The following PREX1 variants were observed in gnomAD, a reference collection of about 807,000 sequenced individuals.
The protein encoded by PREX1 is phosphatidylinositol-3,4,5-trisphosphate dependent Rac exchange factor 1.
Under a neutral mutation model 198.3 loss-of-function variants are expected in PREX1, and 41 were observed. That is an observed-to-expected ratio of 0.21 (90% CI 0.16 to 0.27). The LOEUF (loss-of-function observed/expected upper bound fraction) is 0.27. Ranked by LOEUF, PREX1 falls within the 10% of genes least tolerant of loss-of-function variation. The pLI is 1.00. For synonymous variants in PREX1, 843 were observed against 887.2 expected (o/e 0.95, Z 0.89); for missense variants, 1,620 against 2,200.7 (o/e 0.74, Z 5.28).
In PREX1 at chr20:48,627,551, G is replaced by A; in HGVS notation, c.4934C>T (p.Pro1645Leu). 1 of 1,613,940 alleles carries A rather than the reference G, an allele frequency of 6.2e-7. No individual in the cohort carries two copies. Among genetic ancestry groups the A allele is most frequent in the Non-Finnish European group, 8.5e-7 (1 of 1,179,964 alleles). ...RVKDQMPQGAPRLYRLCQPPV... is the reference protein window; with the variant it reads ...RVKDQMPQGALRLYRLCQPPV... ...GGCGGACGAGGCAGCCACTCACCGC[G>A]GAGCACCCTGGGGCATCTGGTCCTT... The change falls in exon 39 of 40, where the codon CCG becomes CTG. Residue 1645 changes from proline (P) to leucine (L), a missense_variant. Physicochemically the swap from Pro to Leu is moderately conservative, Grantham distance 98. Around this residue, in one of 7 missense-constraint regions of PREX1, gnomAD observed 476 missense variants for 603.4 expected, o/e 0.79. Coordinates refer to ENST00000371941, the MANE Select transcript of PREX1 (RefSeq NM_020820.4).
At chr20:48,627,655 C>G in intron 38 of PREX1, 40 bp from the exon 39 acceptor site, 1 of 1,592,610 alleles carries the variant, frequency 6.3e-7, no homozygotes, top group Non-Finnish European at 8.6e-7. Context: ...TCTGCAGGTT[C>G]AGGGCACGTG....
chr20:48,657,034 A>G lies in PREX1; in HGVS notation c.2123+6T>C, dbSNP rs780072468. On this transcript the variant is annotated splice_donor_region_variant and intron_variant, in intron 18 of 39. Coordinates refer to ENST00000371941, the MANE Select transcript of PREX1 (RefSeq NM_020820.4). Reference sequence around the variant, plus strand: ...GCTGCCGGACACCCCGCCCTGGGACACTCACTCTTTGGCCTTCGTGGCCAC... The same window carrying G: ...GCTGCCGGACACCCCGCCCTGGGACGCTCACTCTTTGGCCTTCGTGGCCAC... 5.1e-6 allele frequency: 8 copies of G among 1,582,850 alleles called. No individual in the cohort carries two copies. Among genetic ancestry groups the G allele is most frequent in the Non-Finnish European group, 6.9e-6 (8 of 1,163,506 alleles).
intron 5 of PREX1, among the ~76,000 whole-genome samples, chr20:48,723,880 T>C (rs1009402025): frequency 6.6e-6 from 1 of 152,086 alleles, no homozygotes; most frequent in African/African-American, 2.4e-5. Flanking sequence ...TGTGTTAAAA[T>C]ATGTCACGGA....
chr20:48,776,687 T>G (rs1288755192), intron 1 of PREX1, among the ~76,000 whole-genome samples: 2 of 152,102 alleles, frequency 1.3e-5, no homozygotes, highest in Non-Finnish European at 2.9e-5. Flanking sequence ...AGGTATTTGC[T>G]CCCATGGCCA....
chr20:48,652,399 C>A (rs1320194321), intron 21 of PREX1, among the ~76,000 whole-genome samples, 187 bp downstream of exon 21: 1 of 151,444 alleles, frequency 6.6e-6, no homozygotes, highest in Non-Finnish European at 1.5e-5. Context: ...GTGGTCACAA[C>A]ACTACACTCC....
In PREX1 at chr20:48,642,394, G is replaced by C; in HGVS notation, c.3684+13C>G. On this transcript the variant is annotated intron_variant, in intron 28 of 39. Coordinates refer to ENST00000371941, the MANE Select transcript of PREX1 (RefSeq NM_020820.4). ...AACCCAAAGTTGCGCCAGGAGTGGG[G>C]CAAAGGTCCTACCTGGTTAAAGAGG... 1.2e-6 allele frequency: 2 copies of C among 1,611,552 alleles called. No individual in the cohort carries two copies. The highest frequency in any genetic ancestry group is 1.7e-4 in the Middle Eastern group (1 of 6,054).
chr20:48,799,412 G>A (rs926370102), intron 1 of PREX1, among the ~76,000 whole-genome samples: 3 of 152,260 alleles, frequency 2.0e-5, no homozygotes, highest in African/African-American at 7.2e-5. Context: ...CTAAGCCTGT[G>A]TCCACCCAAG....
intron 5 of PREX1, among the ~76,000 whole-genome samples, chr20:48,708,871 G>A (rs1221136032): frequency 6.6e-6 from 1 of 152,174 alleles, no homozygotes; most frequent in Non-Finnish European, 1.5e-5. Context: ...GAGAAAAACA[G>A]AGAGATCCGC....
In PREX1 at chr20:48,710,716, C is replaced by T. The variant is rs146039064; in HGVS notation, c.622-2295G>A. On this transcript the variant is annotated intron_variant, in intron 5 of 39. Coordinates refer to ENST00000371941, the MANE Select transcript of PREX1 (RefSeq NM_020820.4). The stretch of plus-strand genomic sequence containing the variant: ...AAGGGACAATGAGTGAGGGAAGTGC[C>T]GTGGTCTGAGAAGGTCTCTCTGGAA... Among the ~76,000 whole-genome samples, 615 of 152,286 alleles carry T rather than the reference C, an allele frequency of 4.0e-3. 9 individuals carry two copies. Among genetic ancestry groups the T allele is most frequent in the African/African-American group, 0.014 (599 of 41,542 alleles).
chr20:48,690,935 G>A lies in PREX1; in HGVS notation c.1186+12C>T. The A allele has an allele frequency of 6.2e-7, 1 of 1,613,494 alleles. No homozygotes were observed. The highest frequency in any genetic ancestry group is 8.5e-7 in the Non-Finnish European group (1 of 1,180,014). On this transcript the variant is annotated intron_variant, in intron 9 of 39. Transcript: ENST00000371941. ...AGGGATCCCAGGCGAGCACCCCAAA[G>A]CTGCTGCTCACTCTCGCGCTGCTCC...
chr20:48,653,776 C>T (rs146390185), intron 19 of PREX1, among the ~76,000 whole-genome samples: 2 of 152,374 alleles, frequency 1.3e-5, no homozygotes, highest in East Asian at 1.9e-4. Context: ...TCTAGAACCT[C>T]GTCTCCTTTA....
At chr20:48,836,732 T>A in the PREX1 span, among the ~76,000 whole-genome samples, 4 of 151,998 alleles carry the variant, frequency 2.6e-5, no homozygotes, top group Admixed American at 6.6e-5. Flanking sequence ...CTGGTCAACC[T>A]GGCAAAACTC....
At chr20:48,690,446 C>T (rs573929120) in intron 9 of PREX1, among the ~76,000 whole-genome samples, 2 of 152,214 alleles carry the variant, frequency 1.3e-5, no homozygotes, top group Non-Finnish European at 2.9e-5. Flanking sequence ...CTGCACAAAA[C>T]AGCCCGGTGC....
chr20:48,823,872 C>T (rs148878196), intron 1 of PREX1, among the ~76,000 whole-genome samples: 48 of 152,312 alleles, frequency 3.2e-4, no homozygotes, highest in Middle Eastern at 3.4e-3. Context: ...ATGCTGTCCA[C>T]CTGACCCAGA....
intron 5 of PREX1, among the ~76,000 whole-genome samples, chr20:48,725,614 T>G (rs982675842): frequency 2.0e-5 from 3 of 152,254 alleles, no homozygotes; most frequent in African/African-American, 4.8e-5. Flanking sequence ...GTGGGGTTCA[T>G]CTGTCCTCAC....
chr20:48,806,365 G>A (rs2090411813), intron 1 of PREX1, among the ~76,000 whole-genome samples: 2 of 152,028 alleles, frequency 1.3e-5, no homozygotes, highest in African/African-American at 4.8e-5. Flanking sequence ...CCTATGGGAG[G>A]GTTTATGTGA....
rs2089869178 is a variant in PREX1, at chr20:48,700,701, C to T, written c.917+52G>A. On this transcript the variant is annotated intron_variant, in intron 7 of 39. Transcript: ENST00000371941. ...GAGGGAAGTGACAAGCCCAAGGCATCACCTGGAGAAGGCAGCAGGCCAGAC... is the reference window on the plus strand; with the variant it reads ...GAGGGAAGTGACAAGCCCAAGGCATTACCTGGAGAAGGCAGCAGGCCAGAC... The T allele has an allele frequency of 2.5e-6, 4 of 1,602,184 alleles. No homozygotes were observed. The African/African-American group carries it at 4.0e-5, about 16-fold the overall frequency.
chr20:48,684,150 T>C lies in PREX1; in HGVS notation c.1335-2815A>G, dbSNP rs1025514852. 6.6e-6 allele frequency among the ~76,000 whole-genome samples: 1 copy of C among 152,136 alleles called. No individual in the cohort carries two copies. Among genetic ancestry groups the C allele is most frequent in the Non-Finnish European group, 1.5e-5 (1 of 68,008 alleles). ...CCTTCCTTCCCGCCTCCTAGAATCA[T>C]TCACCCACTAAACATCTATTTAGCC... On this transcript the variant is annotated intron_variant, in intron 10 of 39. Coordinates refer to ENST00000371941, the MANE Select transcript of PREX1 (RefSeq NM_020820.4). The surrounding 1 kb of genome is among the most constrained non-coding windows in gnomAD (Gnocchi z 4.2).
At chr20:48,866,320 T>A in the PREX1 span, among the ~76,000 whole-genome samples, 1 of 152,216 alleles carries the variant, frequency 6.6e-6, no homozygotes, top group Non-Finnish European at 1.5e-5. Flanking sequence ...TCAGGCCATT[T>A]TCCAGATGGA....
Sources: allele counts gnomAD v4.1 joint callset (sites outside exome capture counted in the v4.1 genomes callset), GRCh38; gene constraint gnomAD v4.1.1; regional missense constraint gnomAD v4.1.1; non-coding constraint Gnocchi (gnomAD v3.1); transcripts MANE v1.5; gene names NCBI Gene and HGNC (gene_info 2026-07-23, HGNC 2026-07-21).